Variants in PCDHA10 observed in about 807,000 individuals in gnomAD.
The protein encoded by PCDHA10 is protocadherin alpha-10.
A neutral mutation model predicts 61.2 loss-of-function variants in PCDHA10; 45 were observed. The ratio of observed to expected loss-of-function variants is 0.74; its 90% CI spans 0.58 to 0.94. The LOEUF is 0.94. Ranked by LOEUF, PCDHA10 falls within the 40% of genes least tolerant of loss-of-function variation. The pLI is 0.00. For missense variants in PCDHA10, 1,278 were observed against 1,236.2 expected (o/e 1.03, Z -0.51); for synonymous variants, 602 against 548.8 (o/e 1.10, Z -1.35).
At chr5:140,873,843 T>C (rs2054523917) in intron 1 of PCDHA10, among the ~76,000 whole-genome samples, 1 of 152,144 alleles carries the variant, frequency 6.6e-6, no homozygotes, top group Non-Finnish European at 1.5e-5. Context: ...GTATTTTTAG[T>C]AGAGATGGGT....
intron 3 of PCDHA10, among the ~76,000 whole-genome samples, chr5:140,987,711 T>C (rs2097265419): frequency 6.6e-6 from 1 of 152,208 alleles, no homozygotes; most frequent in South Asian, 2.1e-4. Flanking sequence ...TTTCCAGGTA[T>C]GAGTCTATCC....
chr5:140,941,341 G>A (rs1413393487), intron 1 of PCDHA10, among the ~76,000 whole-genome samples: 1 of 119,412 alleles, frequency 8.4e-6, no homozygotes, highest in African/African-American at 3.2e-5. Flanking sequence ...TTTTCAGATG[G>A]AGTCTTGCTC....
chr5:140,883,594 G>C (rs1562791129), intron 1 of PCDHA10: 5 of 1,614,032 alleles, frequency 3.1e-6, no homozygotes, highest in South Asian at 1.1e-5. Context: ...CCAGCGTGTC[G>C]GTGGGGGTGG....
intron 3 of PCDHA10, among the ~76,000 whole-genome samples, chr5:140,992,037 G>A (rs2153898781): frequency 6.6e-6 from 1 of 152,006 alleles, no homozygotes; most frequent in East Asian, 1.9e-4. Context: ...GTGTGTGTGT[G>A]TGTGTGTGTG....
Position 140,871,201 on chromosome 5 carries a change from A to G in PCDHA10, c.2388+12765A>G, listed in dbSNP as rs561860727. ...GCTGGTGGATGTCAACGTGTACCTGATCATCGCCATCTGCGTGGTGTCCAG... is the reference window on the plus strand; with the variant it reads ...GCTGGTGGATGTCAACGTGTACCTGGTCATCGCCATCTGCGTGGTGTCCAG... On this transcript the variant is annotated intron_variant, in intron 1 of 3. Coordinates refer to ENST00000307360, the MANE Select transcript of PCDHA10 (RefSeq NM_018901.4). The G allele has an allele frequency of 3.3e-5, 54 of 1,613,672 alleles. 1 individual carries two copies. The Admixed American group carries it at 7.2e-4, about 21-fold the overall frequency.
intron 1 of PCDHA10, among the ~76,000 whole-genome samples, chr5:140,900,353 C>T (rs1426808430): frequency 6.6e-6 from 1 of 152,092 alleles, no homozygotes; most frequent in Non-Finnish European, 1.5e-5. Flanking sequence ...TCTTGGCTCA[C>T]CGCAACCTCT....
Position 140,902,287 on chromosome 5 carries a change from C to T in PCDHA10, c.2388+43851C>T, listed in dbSNP as rs150308530. Among the ~76,000 whole-genome samples the T allele has an allele frequency of 1.9e-3, 280 of 150,946 alleles. 2 individuals are homozygous for T. The highest frequency in any genetic ancestry group is 6.5e-3 in the African/African-American group (266 of 41,018). ...TCCTGGGCTCAAGCAATCCTCCTGC[C>T]TCAGCCTCCCAAAGTGCTGGGATTA... is the stretch of plus-strand genomic sequence containing the variant. On this transcript the variant is annotated intron_variant, in intron 1 of 3. Transcript: ENST00000307360.
At chr5:140,968,578 C>T in intron 1 of PCDHA10, 3 of 1,614,206 alleles carry the variant, frequency 1.9e-6, no homozygotes, top group Non-Finnish European at 2.5e-6. Context: ...GCTACCTGGT[C>T]ACCAAAGTCA....
At chr5:140,904,113 G>C (rs1051705657) in intron 1 of PCDHA10, among the ~76,000 whole-genome samples, 4 of 152,248 alleles carry the variant, frequency 2.6e-5, no homozygotes, top group African/African-American at 9.6e-5. Context: ...TCATTGCTGA[G>C]ATTTTGGTGC....
chr5:140,917,106 TC>T (rs1554197830), intron 1 of PCDHA10, among the ~76,000 whole-genome samples: 1 of 152,094 alleles, frequency 6.6e-6, no homozygotes, highest in African/African-American at 2.4e-5. Context: ...GTGCTTTACT[TC>T]CTCCAAGTGC....
At position 140,857,944 on chromosome 5, in the gene PCDHA10, G is replaced by T; in HGVS notation, c.1896G>T (p.Thr632=). Residue 632 remains threonine (T), a synonymous_variant, in exon 1 of 4, where the codon ACG becomes ACT. Coordinates refer to ENST00000307360, the MANE Select transcript of PCDHA10 (RefSeq NM_018901.4). ...RVGLYTGEIS[T]TRALDETDSP... ...GGCTGTACACGGGCGAGATCAGTACGACGCGCGCTCTGGATGAGACTGACT... is the reference window on the plus strand; with the variant it reads ...GGCTGTACACGGGCGAGATCAGTACTACGCGCGCTCTGGATGAGACTGACT... The T allele has an allele frequency of 6.3e-7, 1 of 1,597,474 alleles. No individual in the cohort carries two copies.
intron 1 of PCDHA10, chr5:140,870,624 G>T (rs1554164487): frequency 1.2e-6 from 2 of 1,613,112 alleles, no homozygotes; most frequent in South Asian, 2.2e-5. Flanking sequence ...CGAGCTACGT[G>T]TCGGTGCACG....
intron 1 of PCDHA10, among the ~76,000 whole-genome samples, chr5:140,897,014 A>G (rs545411496): frequency 1.3e-3 from 202 of 152,284 alleles, no homozygotes; most frequent in Non-Finnish European, 2.0e-3. Context: ...TAAATATACA[A>G]CTAAATTATT....
intron 3 of PCDHA10, among the ~76,000 whole-genome samples, chr5:140,995,181 T>G (rs1443897354): frequency 6.6e-6 from 1 of 152,186 alleles, no homozygotes; most frequent in Non-Finnish European, 1.5e-5. Context: ...GGTGCACCTA[T>G]GATAAAGTTT....
chr5:140,868,603 T>C (rs1554162122), intron 1 of PCDHA10: 2 of 153,246 alleles, frequency 1.3e-5, no homozygotes, highest in Non-Finnish European at 2.9e-5. Flanking sequence ...TAGTTTTTCA[T>C]GAGGCCACCT....
intron 1 of PCDHA10, chr5:140,871,620 T>C: frequency 7.1e-7 from 1 of 1,405,980 alleles, no homozygotes; most frequent in Non-Finnish European, 9.4e-7. Context: ...TTGTTTTAGA[T>C]AACAATGTCT....
chr5:140,870,722 G>A (rs1554164638), intron 1 of PCDHA10: 2 of 1,613,222 alleles, frequency 1.2e-6, no homozygotes, highest in East Asian at 2.2e-5. Context: ...CGCGATGCGG[G>A]CGTGCCGCCT....
intron 1 of PCDHA10, chr5:140,968,040 G>A: frequency 1.2e-6 from 2 of 1,614,162 alleles, no homozygotes; most frequent in African/African-American, 1.3e-5. Context: ...GTGGTGAGCG[G>A]CCCACTGGAC....
At chr5:140,935,996 G>C (rs145363850) in intron 1 of PCDHA10, among the ~76,000 whole-genome samples, 1,644 of 150,942 alleles carry the variant, frequency 0.011, 22 homozygotes, top group African/African-American at 0.037. Flanking sequence ...GGGTTCAAGC[G>C]ATTCTCCCAC....
Sources: allele counts gnomAD v4.1 joint callset (sites outside exome capture counted in the v4.1 genomes callset), GRCh38; gene constraint gnomAD v4.1.1; transcripts MANE v1.5; gene names NCBI Gene and HGNC (gene_info 2026-07-23, HGNC 2026-07-21).